Variants in TCOF1 observed in about 807,000 individuals in gnomAD.
TCOF1 encodes the protein treacle ribosome biogenesis factor 1.
TCOF1 carries 33 observed loss-of-function variants against 149.0 expected under a neutral mutation model. That is an observed-to-expected ratio of 0.22 (90% CI 0.17 to 0.30). The LOEUF is 0.30. Among genes scored for constraint, TCOF1 ranks in the 10% least tolerant of loss-of-function variants. The pLI is 1.00. For synonymous variants in TCOF1, 789 were observed against 738.8 expected (o/e 1.07, Z -1.10); for missense variants, 1,728 against 1,840.7 (o/e 0.94, Z 1.12).
At chr5:150,392,437 G>A (rs1280802014) in intron 21 of TCOF1, 1 of 608,994 alleles carries the variant, frequency 1.6e-6, no homozygotes, top group Non-Finnish European at 2.9e-6. Context: ...CCAGGGCCAT[G>A]TTTCTGGAAC....
At chr5:150,364,061 G>A in intron 2 of TCOF1, 52 bp from the exon 3 acceptor site, 3 of 1,613,366 alleles carry the variant, frequency 1.9e-6, no homozygotes, top group Admixed American at 1.7e-5. Context: ...GTCAATTCTT[G>A]TGGAGTTGTT....
intron 24 of TCOF1, 75 bp downstream of exon 24, chr5:150,396,917 G>A: frequency 6.7e-7 from 1 of 1,501,586 alleles, no homozygotes; most frequent in Non-Finnish European, 9.0e-7. Context: ...CCCTCAGCCA[G>A]CACCTGGTCT....
intron 21 of TCOF1, chr5:150,392,384 C>T (rs1284733757): frequency 1.4e-5 from 9 of 635,286 alleles, no homozygotes; most frequent in Non-Finnish European, 2.4e-5. Flanking sequence ...TGACCACTCT[C>T]AGCTTTTTGG....
intron 6 of TCOF1, among the ~76,000 whole-genome samples, chr5:150,370,630 A>G (rs994611045): frequency 2.6e-5 from 4 of 152,196 alleles, no homozygotes; most frequent in Non-Finnish European, 5.9e-5. Context: ...TGCTGGGATT[A>G]CAGGCATGAG....
At chr5:150,362,258 G>A (rs750903035) in intron 2 of TCOF1, among the ~76,000 whole-genome samples, 3 of 152,184 alleles carry the variant, frequency 2.0e-5, no homozygotes, top group Non-Finnish European at 4.4e-5. Context: ...TTCAAGGAAG[G>A]GGGAATCATC....
chr5:150,398,394 A>C lies in TCOF1; in HGVS notation c.4386A>C (p.Ala1462=), dbSNP rs1421123938. The change falls in exon 25 of 27, where the codon GCA becomes GCC. Residue 1462 remains alanine, a synonymous_variant. Transcript: ENST00000643257. ...AAAAAAAAGAAAAGAAGAAGAAAGC[A>C]AAAAAGGCCTCAACCAAAGATTCTG... ...DKEKKEKKKK[A]KKASTKDSES... is the part of the protein sequence containing the mutation. The C allele has an allele frequency of 2.5e-6, 4 of 1,614,000 alleles. No individual in the cohort carries two copies. Among genetic ancestry groups the C allele is most frequent in the Non-Finnish European group, 3.4e-6 (4 of 1,179,986 alleles).
At chr5:150,390,224 G>A (rs922811554) in intron 19 of TCOF1, among the ~76,000 whole-genome samples, 1 of 152,224 alleles carries the variant, frequency 6.6e-6, no homozygotes, top group Non-Finnish European at 1.5e-5. Context: ...GAGTAATCTG[G>A]GGACACAGCC....
Position 150,368,863 on chromosome 5 carries a change from G to A in TCOF1, c.526G>A (p.Glu176Lys). The change falls in exon 5 of 27, where the codon GAG becomes AAG. Residue 176 changes from glutamate (E) to lysine (K), a missense_variant. Glu to Lys is a moderately conservative substitution (Grantham distance 56). This residue lies in a region of TCOF1 where 1,696 missense variants were observed against 1,765.4 expected (regional missense o/e 0.96). Transcript: ENST00000643257. Reference protein sequence around the residue: ...NTTLVSETEEEGSVPAFGAAA... With the variant: ...NTTLVSETEEKGSVPAFGAAA... ...TACGTTGGTCTCAGAAACTGAGGAG[G>A]AGGGCAGCGTCCCGGCCTTTGGAGC... 1 of 1,613,942 alleles carries A rather than the reference G, an allele frequency of 6.2e-7. No homozygotes were observed. The highest frequency in any genetic ancestry group is 8.5e-7 in the Non-Finnish European group (1 of 1,180,030).
intron 17 of TCOF1, 82 bp from the exon 18 acceptor site, chr5:150,387,820 A>G: frequency 6.3e-7 from 1 of 1,595,654 alleles, no homozygotes; most frequent in Non-Finnish European, 8.6e-7. Flanking sequence ...TTTGCCTTGT[A>G]AAACACTCCC....
At position 150,396,324 on chromosome 5, in the gene TCOF1, G is replaced by A. The variant is rs776562128; in HGVS notation, c.3827G>A (p.Arg1276Gln). The A allele has an allele frequency of 2.9e-5, 46 of 1,613,750 alleles. No individual in the cohort carries two copies. The highest frequency in any genetic ancestry group is 1.2e-4 in the Admixed American group (7 of 60,004). ...AASGTTPQKSRKPKKGAGNPQ... is the reference protein window; with the variant it reads ...AASGTTPQKSQKPKKGAGNPQ... ...TCAGGCACCACACCTCAGAAGTCCC[G>A]GAAGCCCAAGAAAGGGGCTGGGAAC... Residue 1276 changes from arginine to glutamine, a missense_variant, in exon 24 of 27, where the codon CGG becomes CAG. Coordinates refer to ENST00000643257, the MANE Select transcript of TCOF1 (RefSeq NM_001371623.1).
chr5:150,393,621 C>T (rs1399699114), intron 23 of TCOF1, 69 bp downstream of exon 23: 2 of 1,595,894 alleles, frequency 1.3e-6, no homozygotes, highest in African/African-American at 2.7e-5. Flanking sequence ...CCTTCTTGCC[C>T]TCCTGTAGCA....
intron 14 of TCOF1, among the ~76,000 whole-genome samples, chr5:150,377,366 G>A (rs1199938097): frequency 6.6e-6 from 1 of 152,196 alleles, no homozygotes; most frequent in Non-Finnish European, 1.5e-5. Flanking sequence ...CACCCAGCAA[G>A]GGAGCTGCAC....
At position 150,392,776 on chromosome 5, in the gene TCOF1, G is replaced by A; in HGVS notation, c.3589G>A (p.Val1197Met). ...TAAESSEDDV[V>M]APSQSLLSGY... Reference sequence around the variant, plus strand: ...AGCAGAGTCCAGCGAGGATGATGTGGTGGCGCCATCCCAGGTAACTGCAAG... The same window carrying A: ...AGCAGAGTCCAGCGAGGATGATGTGATGGCGCCATCCCAGGTAACTGCAAG... Residue 1197 changes from valine (V) to methionine (M), a missense_variant, in exon 22 of 27, where the codon GTG becomes ATG. Physicochemically the swap from Val to Met is conservative, Grantham distance 21. Coordinates refer to ENST00000643257, the MANE Select transcript of TCOF1 (RefSeq NM_001371623.1). 1 of 1,614,020 alleles carries A rather than the reference G, an allele frequency of 6.2e-7. No individual in the cohort carries two copies. The highest frequency in any genetic ancestry group is 8.5e-7 in the Non-Finnish European group (1 of 1,179,986).
chr5:150,367,678 A>T (rs769687652), intron 3 of TCOF1, 166 bp from the exon 4 acceptor site: 388 of 721,712 alleles, frequency 5.4e-4, no homozygotes, highest in Middle Eastern at 9.6e-4. Flanking sequence ...GACCTGGCTG[A>T]TGCATCACAG....
rs1423046838 is a variant in TCOF1 at position 150,396,600 on chromosome 5, T to G, written c.4103T>G (p.Leu1368Arg). ...CCCAGGAGCAAGAAGAAGAAGAAGC[T>G]GGGGGCCGGGGAAGGTGGGGAGGCC... ...RTPRSKKKKKLGAGEGGEASV... is the reference protein window; with the variant it reads ...RTPRSKKKKKRGAGEGGEASV... The change falls in exon 24 of 27, where the codon CTG (leucine) becomes CGG (arginine). Residue 1368 changes from leucine to arginine, a missense_variant. Transcript: ENST00000643257. 6.3e-7 allele frequency: 1 copy of G among 1,584,856 alleles called. No individual in the cohort carries two copies. The highest frequency in any genetic ancestry group is 8.6e-7 in the Non-Finnish European group (1 of 1,164,904).
chr5:150,392,861 C>G, intron 22 of TCOF1, 71 bp downstream of exon 22: 1 of 1,553,688 alleles, frequency 6.4e-7, no homozygotes, highest in East Asian at 2.3e-5. Context: ...TCCTGTCTAC[C>G]CGATCCCTCA....
chr5:150,395,320 C>A (rs1407775138), intron 23 of TCOF1, among the ~76,000 whole-genome samples: 2 of 152,214 alleles, frequency 1.3e-5, no homozygotes, highest in Non-Finnish European at 2.9e-5. Context: ...CTTTCAGAGC[C>A]CAGCATGCAG....
Position 150,400,236 on chromosome 5 carries a change from G to GT in TCOF1, c.*455dup, listed in dbSNP as rs1359550669. On this transcript the variant is annotated 3_prime_UTR_variant, in exon 27 of 27. Coordinates refer to ENST00000643257, the MANE Select transcript of TCOF1 (RefSeq NM_001371623.1). ...TCCTCTCGTCAGTTCTTTTGGTTGT[G>GT]TTTTTTGTTTTTTTTTTAATAACTC... 1 of 148,968 alleles carries GT rather than the reference G, an allele frequency of 6.7e-6. No homozygotes were observed. The highest frequency in any genetic ancestry group is 6.7e-5 in the Admixed American group (1 of 14,984). The allele number at this position is 148,968 out of a possible 1,614,324, so 9.2% of individuals were successfully genotyped here. A position where few individuals can be genotyped will look rare whatever the true frequency, so the allele number is the denominator to read the frequency against.
intron 17 of TCOF1, chr5:150,384,999 T>C: frequency 1.0e-6 from 1 of 985,422 alleles, no homozygotes; most frequent in Non-Finnish European, 1.2e-6. Context: ...TCCGCCCTGT[T>C]GTGCAGAGTA....
Sources: allele counts gnomAD v4.1 joint callset (sites outside exome capture counted in the v4.1 genomes callset), GRCh38; gene constraint gnomAD v4.1.1; regional missense constraint gnomAD v4.1.1; transcripts MANE v1.5; gene names NCBI Gene and HGNC (gene_info 2026-07-23, HGNC 2026-07-21).